Variants in ZNF728 observed in about 807,000 individuals in gnomAD.
ZNF728 encodes the protein zinc finger protein 728.
Under a neutral mutation model 12.5 loss-of-function variants are expected in ZNF728, and 12 were observed. The observed-to-expected ratio is 0.96, with a 90% confidence interval of 0.61 to 1.55. ZNF728 has a LOEUF of 1.55. ZNF728 is among the 40% of genes most tolerant of loss of function. ZNF728 has a pLI of 0.00. For synonymous variants in ZNF728, 205 were observed against 240.7 expected, an observed-to-expected ratio of 0.85 and a Z score of 1.37; for missense variants, 692 against 719.2, an observed-to-expected ratio of 0.96 and a Z score of 0.43.
At chr19:22,977,703 A>C (rs1968821343) in intron 3 of ZNF728, among the ~76,000 whole-genome samples, 1 of 152,180 alleles carries the variant, frequency 6.6e-6, no homozygotes. Context: ...CTTTTAACTA[A>C]AGGTAAGCAC....
Position 22,976,469 on chromosome 19 carries a change from C to T in ZNF728, c.868G>A (p.Gly290Ser). ...GEKPYKCEEC[G>S]KAFSKASTLT... Reference sequence around the variant, plus strand: ...GTTGAGGCCTTACTAAAGGCTTTGCCACATTCTTCACATTTGTAGGGTTTC... The same window carrying T: ...GTTGAGGCCTTACTAAAGGCTTTGCTACATTCTTCACATTTGTAGGGTTTC... The change falls in exon 4 of 4, where the codon GGC becomes AGC. Residue 290 changes from glycine to serine, a missense_variant. Coordinates refer to ENST00000594710, the MANE Select transcript of ZNF728 (RefSeq NM_001267716.2). 1 of 1,613,110 alleles carries T rather than the reference C, an allele frequency of 6.2e-7. No homozygotes were observed.
Position 22,998,560 on chromosome 19 carries a change from T to C in ZNF728, c.3+4468A>G, listed in dbSNP as rs142309278. Among the ~76,000 whole-genome samples the C allele has an allele frequency of 2.7e-3, 412 of 152,270 alleles. 4 individuals carry two copies. The highest frequency in any genetic ancestry group is 0.022 in the Admixed American group (341 of 15,286). ...AACTTCATGGGCTCATCTATGCTTCTGACCTACTGTTTAAAAATTGGGGAC... is the reference window on the plus strand; with the variant it reads ...AACTTCATGGGCTCATCTATGCTTCCGACCTACTGTTTAAAAATTGGGGAC... On this transcript the variant is annotated intron_variant, in intron 1 of 3. Transcript: ENST00000594710.
chr19:22,975,832 T>A lies in ZNF728; in HGVS notation c.1505A>T (p.His502Leu). 1 of 1,612,484 alleles carries A rather than the reference T, an allele frequency of 6.2e-7. No individual in the cohort carries two copies. Among genetic ancestry groups the A allele is most frequent in the Non-Finnish European group, 8.5e-7 (1 of 1,179,392 alleles). ...SSNLMEHKRI[H>L]TGEKPYKCEE... Reference sequence around the variant, plus strand: ...ACATTTGTAGGGTTTCTCTCCAGTATGAATTCTCTTATGTTCCATAAGGTT... The same window carrying A: ...ACATTTGTAGGGTTTCTCTCCAGTAAGAATTCTCTTATGTTCCATAAGGTT... Residue 502 changes from histidine to leucine, a missense_variant, in exon 4 of 4, where the codon CAT becomes CTT. By Grantham distance (99) the His-to-Leu change is moderately conservative. Coordinates refer to ENST00000594710, the MANE Select transcript of ZNF728 (RefSeq NM_001267716.2).
intron 3 of ZNF728, among the ~76,000 whole-genome samples, chr19:22,984,574 AAAT>A (rs1482195858): frequency 4.8e-4 from 40 of 83,144 alleles, no homozygotes; most frequent in Non-Finnish European, 5.8e-4. Flanking sequence ...AAAAAAAAAA[AAAT>A]ACACACACAC....
Position 23,002,967 on chromosome 19 carries a change from T to G in ZNF728, c.3+61A>C, listed in dbSNP as rs917235358. ...GAGGCCTGAGTCCCGCCACAGCCACTTCCCACCGGTTCCAACCAGCGGCTG... is the reference window on the plus strand; with the variant it reads ...GAGGCCTGAGTCCCGCCACAGCCACGTCCCACCGGTTCCAACCAGCGGCTG... On this transcript the variant is annotated intron_variant, in intron 1 of 3. Transcript: ENST00000594710. The G allele has an allele frequency of 4.4e-6, 7 of 1,585,684 alleles. No homozygotes were observed. The African/African-American group carries it at 8.2e-5, about 19-fold the overall frequency.
intron 1 of ZNF728, among the ~76,000 whole-genome samples, chr19:22,993,953 A>C (rs939510765): frequency 6.6e-6 from 1 of 152,152 alleles, no homozygotes; most frequent in Admixed American, 6.5e-5. Flanking sequence ...CTGCAAATTC[A>C]GGTCCTGCAT....
intron 3 of ZNF728, among the ~76,000 whole-genome samples, chr19:22,978,979 G>A (rs1270562469): frequency 6.6e-6 from 1 of 152,098 alleles, no homozygotes; most frequent in Non-Finnish European, 1.5e-5. Context: ...CTCCTCACCA[G>A]CAAACAAACA....
chr19:23,002,277 T>G (rs1344643106), intron 1 of ZNF728, among the ~76,000 whole-genome samples: 1 of 152,216 alleles, frequency 6.6e-6, no homozygotes. Flanking sequence ...ACGGCGCCAT[T>G]GCACTCCAGC....
intron 3 of ZNF728, among the ~76,000 whole-genome samples, chr19:22,977,991 A>G (rs1968824133): frequency 6.6e-6 from 1 of 152,114 alleles, no homozygotes; most frequent in African/African-American, 2.4e-5. Flanking sequence ...GAAAATCAGA[A>G]AAATGAGGAT....
At chr19:23,001,333 C>T (rs1189114853) in intron 1 of ZNF728, among the ~76,000 whole-genome samples, 3 of 152,142 alleles carry the variant, frequency 2.0e-5, no homozygotes, top group Admixed American at 1.3e-4. Flanking sequence ...AAGGGAGTAG[C>T]TTTCCAAAAA....
chr19:22,989,719 C>T (rs1968963633), intron 1 of ZNF728, among the ~76,000 whole-genome samples: 1 of 152,060 alleles, frequency 6.6e-6, no homozygotes, highest in Admixed American at 6.6e-5. Flanking sequence ...CAGATATCTC[C>T]CATGTTCTGT....
chr19:22,982,765 G>T (rs1436572837), intron 3 of ZNF728, among the ~76,000 whole-genome samples: 5 of 152,066 alleles, frequency 3.3e-5, no homozygotes, highest in Non-Finnish European at 5.9e-5. Context: ...ATGGGGAAAC[G>T]ATTCCCTATT....
chr19:22,999,167 C>T (rs1969080385), intron 1 of ZNF728, among the ~76,000 whole-genome samples: 1 of 152,094 alleles, frequency 6.6e-6, no homozygotes, highest in South Asian at 2.1e-4. Flanking sequence ...ATTTGCTTTT[C>T]CCTAGGAAAA....
At chr19:22,991,422 A>C (rs1446769570) in intron 1 of ZNF728, among the ~76,000 whole-genome samples, 1 of 152,206 alleles carries the variant, frequency 6.6e-6, no homozygotes, top group Non-Finnish European at 1.5e-5. Flanking sequence ...TAGAAAAGGT[A>C]AATATAGACA....
At chr19:22,981,724 A>G (rs1420675284) in intron 3 of ZNF728, among the ~76,000 whole-genome samples, 1 of 152,218 alleles carries the variant, frequency 6.6e-6, no homozygotes, top group Non-Finnish European at 1.5e-5. Flanking sequence ...CTGGTTCAAC[A>G]TATGCAAATC....
At chr19:22,988,765 T>C (rs746523418) in intron 1 of ZNF728, among the ~76,000 whole-genome samples, 5 of 152,114 alleles carry the variant, frequency 3.3e-5, no homozygotes, top group Non-Finnish European at 7.4e-5. Flanking sequence ...ACAGAATTAA[T>C]TGTGTGCCAG....
intron 3 of ZNF728, among the ~76,000 whole-genome samples, chr19:22,985,007 A>C (rs1160501740): frequency 6.6e-6 from 1 of 152,198 alleles, no homozygotes; most frequent in Non-Finnish European, 1.5e-5. Context: ...GGAGTCATTT[A>C]CATAGCAATA....
Position 22,975,682 on chromosome 19 carries a change from C to T in ZNF728, c.1655G>A (p.Ser552Asn), listed in dbSNP as rs757722090. Residue 552 changes from serine (S) to asparagine (N), a missense_variant, in exon 4 of 4, where the codon AGT (serine) becomes AAT (asparagine). Coordinates refer to ENST00000594710, the MANE Select transcript of ZNF728 (RefSeq NM_001267716.2). ...TCCAGTATGAATTCTCTTATGTTCACTAAGTCTTGAGGACCAGATGAAGGC... is the reference window on the plus strand; with the variant it reads ...TCCAGTATGAATTCTCTTATGTTCATTAAGTCTTGAGGACCAGATGAAGGC... ...GKAFIWSSRL[S>N]EHKRIHTGEK... is the part of the protein sequence containing the mutation. 1.3e-6 allele frequency: 2 copies of T among 1,590,264 alleles called. No homozygotes were observed. Among genetic ancestry groups the T allele is most frequent in the Non-Finnish European group, 1.7e-6 (2 of 1,169,696 alleles).
chr19:22,996,363 C>T (rs1203662520), intron 1 of ZNF728, among the ~76,000 whole-genome samples: 2 of 152,122 alleles, frequency 1.3e-5, no homozygotes, highest in Non-Finnish European at 2.9e-5. Flanking sequence ...ACTGAAGTAA[C>T]CCAAGTACAA....
Sources: gnomAD v4.1 joint callset for allele counts (sites outside exome capture counted in the v4.1 genomes callset) on GRCh38, gnomAD v4.1.1 for gene constraint, MANE v1.5 for transcripts, NCBI Gene and HGNC (gene_info 2026-07-23, HGNC 2026-07-21) for gene names.